Variants in TINAG observed in about 807,000 individuals in gnomAD.
TINAG encodes tubulointerstitial nephritis antigen.
Under a neutral mutation model 72.7 loss-of-function variants are expected in TINAG, and 83 were observed. The observed-to-expected ratio is 1.14, with a 90% CI of 0.96 to 1.37. The LOEUF is 1.37. TINAG is among the 40% of genes most tolerant of loss of function. The pLI is 0.00. For synonymous variants in TINAG, 234 were observed against 189.9 expected (o/e 1.23, Z -1.91); for missense variants, 685 against 576.6 (o/e 1.19, Z -1.93).
At position 54,349,897 on chromosome 6, in the gene TINAG, G is replaced by A. The variant is rs750378512; in HGVS notation, c.1080+1G>A. 10 of 1,544,078 alleles carry A rather than the reference G, an allele frequency of 6.5e-6. No individual in the cohort carries two copies. The highest frequency in any genetic ancestry group is 1.7e-4 in the Middle Eastern group (1 of 5,832). ...TCCTCCATACAGAGTCTCTTCCAAC[G>A]TAAGTATAAATGGCAAGAATCAAGA... On this transcript the variant is annotated splice_donor_variant, in intron 7 of 10. Transcript: ENST00000259782. LOFTEE classifies it high-confidence loss of function.
chr6:54,334,159 T>C (rs531689895), intron 4 of TINAG, among the ~76,000 whole-genome samples: 3 of 152,308 alleles, frequency 2.0e-5, no homozygotes, highest in Admixed American at 1.3e-4. Context: ...TCCAGGCACA[T>C]AGACTTTCCA....
At chr6:54,309,922 C>A (rs1238675977) in intron 1 of TINAG, among the ~76,000 whole-genome samples, 3 of 151,084 alleles carry the variant, frequency 2.0e-5, no homozygotes. Flanking sequence ...GAGGAAATGT[C>A]TCTTTATGTG....
chr6:54,384,512 C>T (rs1764039714), intron 10 of TINAG, among the ~76,000 whole-genome samples: 1 of 152,014 alleles, frequency 6.6e-6, no homozygotes, highest in Non-Finnish European at 1.5e-5. Flanking sequence ...TGACAGCTGG[C>T]ATTTCAACAA....
intron 9 of TINAG, among the ~76,000 whole-genome samples, chr6:54,375,849 C>A (rs948281105): frequency 1.3e-5 from 2 of 152,168 alleles, no homozygotes; most frequent in Non-Finnish European, 2.9e-5. Flanking sequence ...CCGATGCTAA[C>A]ACCAGAGCTG....
chr6:54,320,609 A>G lies in TINAG; in HGVS notation c.386A>G (p.Glu129Gly). 6.2e-7 allele frequency: 1 copy of G among 1,608,788 alleles called. No homozygotes were observed. Among genetic ancestry groups the G allele is most frequent in the Non-Finnish European group, 8.5e-7 (1 of 1,177,332 alleles). The change falls in exon 2 of 11, where the codon GAG (glutamate) becomes GGG (glycine). Residue 129 changes from glutamate to glycine, a missense_variant. Transcript: ENST00000259782. ...GCFKDGQHYE[E>G]GSVIKENCNS... is the part of the protein sequence containing the mutation. ...TTCAAAGATGGTCAACATTATGAAG[A>G]GGGATCAGTAATTAAAGAAAACTGC...
chr6:54,318,182 A>G (rs939164421), intron 1 of TINAG, among the ~76,000 whole-genome samples: 10 of 152,080 alleles, frequency 6.6e-5, no homozygotes, highest in Non-Finnish European at 1.3e-4. Context: ...GAAAAAGTAG[A>G]TATGGATGTT....
chr6:54,367,571 T>C (rs1196388809), intron 9 of TINAG, among the ~76,000 whole-genome samples: 1 of 151,756 alleles, frequency 6.6e-6, no homozygotes, highest in Non-Finnish European at 1.5e-5. Flanking sequence ...GTAGAGATGG[T>C]ACAAGTGAAA....
In TINAG at chr6:54,323,573, C is replaced by T. The variant is rs182395623; in HGVS notation, c.509+2187C>T. Among the ~76,000 whole-genome samples the T allele has an allele frequency of 3.0e-4, 46 of 152,232 alleles. No homozygotes were observed. The East Asian group carries it at 7.9e-3, about 26-fold the overall frequency. On this transcript the variant is annotated intron_variant, in intron 3 of 10. Coordinates refer to ENST00000259782, the MANE Select transcript of TINAG (RefSeq NM_014464.4). ...TTATTCTATGTAATGTACTTCAGTG[C>T]TTATTTATTCTCTGTATTATTTTTT...
At chr6:54,352,063 A>G (rs528425996) in intron 8 of TINAG, among the ~76,000 whole-genome samples, 4 of 152,002 alleles carry the variant, frequency 2.6e-5, no homozygotes, top group Admixed American at 2.0e-4. Context: ...GAATAAGGGT[A>G]TACTCACAGA....
intron 8 of TINAG, among the ~76,000 whole-genome samples, chr6:54,352,287 T>C (rs972187890): frequency 6.6e-6 from 1 of 151,844 alleles, no homozygotes; most frequent in African/African-American, 2.4e-5. Flanking sequence ...ATCTAATTAG[T>C]ATCGGTTAAA....
intron 7 of TINAG, 71 bp downstream of exon 7, chr6:54,349,967 C>A: frequency 9.6e-7 from 1 of 1,037,400 alleles, no homozygotes; most frequent in Non-Finnish European, 1.3e-6. Flanking sequence ...GTAACTAAAA[C>A]AATTTAAAAA....
intron 8 of TINAG, among the ~76,000 whole-genome samples, chr6:54,353,929 A>G (rs911283393): frequency 7.9e-5 from 12 of 151,866 alleles, no homozygotes; most frequent in Admixed American, 6.6e-5. Context: ...TAGGTGAAGG[A>G]AGGAAGGAGA....
At chr6:54,380,056 T>G (rs1763899600) in intron 9 of TINAG, among the ~76,000 whole-genome samples, 1 of 152,158 alleles carries the variant, frequency 6.6e-6, no homozygotes, top group Admixed American at 6.5e-5. Context: ...TGTGTTAGTT[T>G]GCTGAGAATG....
intron 9 of TINAG, among the ~76,000 whole-genome samples, chr6:54,372,816 C>A (rs1248879741): frequency 6.9e-6 from 1 of 145,704 alleles, no homozygotes; most frequent in African/African-American, 2.5e-5. Flanking sequence ...AATGAATGAA[C>A]CAAGAGTTTT....
chr6:54,375,500 AC>A (rs1475280332), intron 9 of TINAG, among the ~76,000 whole-genome samples: 1 of 152,282 alleles, frequency 6.6e-6, no homozygotes, highest in East Asian at 1.9e-4. Context: ...TATTCATTCA[AC>A]TTTGAAATGC....
At chr6:54,379,548 T>C (rs1455206889) in intron 9 of TINAG, among the ~76,000 whole-genome samples, 2 of 152,044 alleles carry the variant, frequency 1.3e-5, no homozygotes, top group African/African-American at 2.4e-5. Context: ...TAAAATAATA[T>C]GTATATATAA....
chr6:54,379,699 A>G (rs1033463488), intron 9 of TINAG, among the ~76,000 whole-genome samples: 11 of 152,096 alleles, frequency 7.2e-5, no homozygotes, highest in South Asian at 2.1e-4. Flanking sequence ...CATAAAGAGG[A>G]TAAGTATTTT....
intron 10 of TINAG, among the ~76,000 whole-genome samples, chr6:54,381,756 C>T (rs1763956871): frequency 6.6e-6 from 1 of 152,106 alleles, no homozygotes; most frequent in South Asian, 2.1e-4. Context: ...TATTAAGTTT[C>T]TGCATAGGAT....
At chr6:54,369,639 G>A (rs1763544867) in intron 9 of TINAG, among the ~76,000 whole-genome samples, 1 of 151,886 alleles carries the variant, frequency 6.6e-6, no homozygotes, top group South Asian at 2.1e-4. Flanking sequence ...AGTTAGAACA[G>A]CATTAAATAA....
Sources: gnomAD v4.1 joint callset for allele counts (sites outside exome capture counted in the v4.1 genomes callset) on GRCh38, gnomAD v4.1.1 for gene constraint, MANE v1.5 for transcripts, NCBI Gene and HGNC (gene_info 2026-07-23, HGNC 2026-07-21) for gene names.